PCDHA6: variants seen among roughly 807,000 people sequenced by gnomAD.
The protein encoded by PCDHA6 is protocadherin alpha 6, also known as protocadherin alpha-6.
Under a neutral mutation model 60.3 loss-of-function variants are expected in PCDHA6, and 55 were observed. That is an observed-to-expected ratio of 0.91 (90% confidence interval 0.73 to 1.14). PCDHA6 has a LOEUF of 1.14. PCDHA6 is among the 50% of genes most tolerant of loss of function. The probability of loss-of-function intolerance (pLI) is 0.00; values close to 1 mark genes in which losing one functional copy is unlikely to be tolerated. For synonymous variants in PCDHA6, 652 were observed against 557.9 expected, an observed-to-expected ratio of 1.17 and a Z score of -2.38; for missense variants, 1,327 against 1,256.5, an observed-to-expected ratio of 1.06 and a Z score of -0.85.
At chr5:140,984,980 C>T (rs1206801991) in intron 3 of PCDHA6, among the ~76,000 whole-genome samples, 1 of 152,092 alleles carries the variant, frequency 6.6e-6, no homozygotes, top group African/African-American at 2.4e-5. Context: ...CTCTGTCCCC[C>T]AGGCTGGAGT....
chr5:140,951,551 A>C (rs246040), intron 1 of PCDHA6, among the ~76,000 whole-genome samples: 2 of 151,590 alleles, frequency 1.3e-5, no homozygotes, highest in African/African-American at 4.8e-5. Flanking sequence ...GACGGGGGGA[A>C]GTGCTACGCA....
intron 1 of PCDHA6, chr5:140,835,452 C>T (rs2150236054): frequency 6.2e-7 from 1 of 1,613,908 alleles, no homozygotes; most frequent in East Asian, 2.2e-5. Flanking sequence ...TTCCCTGTCT[C>T]TCCCTATTCC....
chr5:140,994,281 G>T (rs2097610222), intron 3 of PCDHA6, among the ~76,000 whole-genome samples: 1 of 152,144 alleles, frequency 6.6e-6, no homozygotes. Flanking sequence ...CCTTTCTTGA[G>T]ACAGTCCCCA....
chr5:140,880,978 T>A lies in PCDHA6; in HGVS notation c.2394+50493T>A, dbSNP rs570855539. Among the ~76,000 whole-genome samples the A allele has an allele frequency of 3.6e-4, 55 of 152,312 alleles. No individual in the cohort carries two copies. The South Asian group carries it at 9.1e-3, about 25-fold the overall frequency. On this transcript the variant is annotated intron_variant, in intron 1 of 3. Coordinates refer to ENST00000529310, the MANE Select transcript of PCDHA6 (RefSeq NM_018909.4). ...ATGAGGGTAAGAGAATACCAAATACTCTGCCTAAATTTTCAGAGGAGAGCA... is the reference window on the plus strand; with the variant it reads ...ATGAGGGTAAGAGAATACCAAATACACTGCCTAAATTTTCAGAGGAGAGCA...
In PCDHA6 at chr5:141,002,410, T is replaced by C. The variant is rs1034024595; in HGVS notation, c.2543-7217T>C. 2.2e-4 allele frequency among the ~76,000 whole-genome samples: 33 copies of C among 152,326 alleles called. 1 individual carries two copies. The highest frequency in any genetic ancestry group is 7.5e-4 in the African/African-American group (31 of 41,578). On this transcript the variant is annotated intron_variant, in intron 3 of 3. Coordinates refer to ENST00000529310, the MANE Select transcript of PCDHA6 (RefSeq NM_018909.4). The stretch of plus-strand genomic sequence containing the variant: ...TGCTGGCATCTCTGTGCCTCCCAAA[T>C]AGTAGTAACAAAACAGGCAATAACC...
intron 3 of PCDHA6, among the ~76,000 whole-genome samples, chr5:140,988,745 G>A (rs943188955): frequency 3.9e-5 from 6 of 152,152 alleles, no homozygotes; most frequent in Non-Finnish European, 5.9e-5. Flanking sequence ...TCTAGGATTG[G>A]TGGCCTGGGC....
chr5:140,856,002 G>A, intron 1 of PCDHA6: 2 of 1,534,758 alleles, frequency 1.3e-6, no homozygotes, highest in African/African-American at 1.4e-5. Context: ...TCGTATGTGC[G>A]TTCTAGACCG....
At chr5:140,851,427 T>C in intron 1 of PCDHA6, 2 of 945,324 alleles carry the variant, frequency 2.1e-6, no homozygotes, top group Non-Finnish European at 2.6e-6. Flanking sequence ...CCCTAAACTT[T>C]AGAAAACAGT....
At chr5:140,871,649 G>T (rs781859029) in intron 1 of PCDHA6, 1 of 1,265,824 alleles carries the variant, frequency 7.9e-7, no homozygotes, top group Admixed American at 2.9e-5. Flanking sequence ...AATACCAAAT[G>T]ATACACATCT....
chr5:140,919,609 CT>C (rs2079218169), intron 1 of PCDHA6, among the ~76,000 whole-genome samples: 2 of 151,908 alleles, frequency 1.3e-5, no homozygotes, highest in South Asian at 4.1e-4. Flanking sequence ...AAATTTTAAA[CT>C]GTATCTTTTG....
At chr5:140,882,887 G>A (rs781927732) in intron 1 of PCDHA6, 43 of 1,614,050 alleles carry the variant, frequency 2.7e-5, no homozygotes, top group Non-Finnish European at 3.6e-5. Context: ...GGAAATTCAG[G>A]AACATAGTTT....
intron 1 of PCDHA6, chr5:140,870,487 T>A: frequency 6.2e-7 from 1 of 1,614,204 alleles, no homozygotes. Flanking sequence ...GTACACCGTG[T>A]TCGTGAAGGA....
At chr5:140,842,267 T>C (rs2150333098) in intron 1 of PCDHA6, 11 of 1,610,674 alleles carry the variant, frequency 6.8e-6, no homozygotes, top group African/African-American at 5.3e-5. Flanking sequence ...AGAAAACTTA[T>C]ACAAAATCCT....
chr5:140,863,007 A>G (rs1554157449), intron 1 of PCDHA6: 1 of 551,416 alleles, frequency 1.8e-6, no homozygotes, highest in Non-Finnish European at 3.6e-6. Context: ...GACTCCAGCT[A>G]TGACGCCTGG....
At chr5:140,846,395 G>A (rs1168454910) in intron 1 of PCDHA6, among the ~76,000 whole-genome samples, 1 of 90,540 alleles carries the variant, frequency 1.1e-5, no homozygotes, top group Non-Finnish European at 2.1e-5. Flanking sequence ...TTTTTTTTGA[G>A]ACGGAGTCTC....
intron 1 of PCDHA6, chr5:140,969,008 G>A (rs782541476): frequency 6.2e-7 from 1 of 1,614,194 alleles, no homozygotes; most frequent in Non-Finnish European, 8.5e-7. Context: ...CTTCTGTGGA[G>A]TAAGGGAAAG....
chr5:140,957,597 A>G (rs1036559943), intron 1 of PCDHA6, among the ~76,000 whole-genome samples: 4 of 152,168 alleles, frequency 2.6e-5, no homozygotes, highest in Non-Finnish European at 5.9e-5. Context: ...ACTTCCCAGA[A>G]TAAACACACA....
Position 140,968,348 on chromosome 5 carries a change from A to G in PCDHA6, c.2395-10601A>G, listed in dbSNP as rs782567344. The stretch of plus-strand genomic sequence containing the variant: ...CTCCTATGTCTCCATTAACAGTGCC[A>G]GTGGCAGCCTTTATGCTGTCAACTC... On this transcript the variant is annotated intron_variant, in intron 1 of 3. Coordinates refer to ENST00000529310, the MANE Select transcript of PCDHA6 (RefSeq NM_018909.4). 1 of 1,614,124 alleles carries G rather than the reference A, an allele frequency of 6.2e-7. No individual in the cohort carries two copies. The highest frequency in any genetic ancestry group is 2.2e-5 in the East Asian group (1 of 44,886).
intron 3 of PCDHA6, among the ~76,000 whole-genome samples, chr5:141,000,417 A>AT (rs1563652061): frequency 7.5e-4 from 58 of 77,708 alleles, no homozygotes; most frequent in African/African-American, 1.3e-3. Context: ...ATATATATAT[A>AT]TATATTTTTT....
Sources: allele counts gnomAD v4.1 joint callset (sites outside exome capture counted in the v4.1 genomes callset), GRCh38; gene constraint gnomAD v4.1.1; transcripts MANE v1.5; gene names NCBI Gene and HGNC (gene_info 2026-07-23, HGNC 2026-07-21).